Variants in KIAA0232 observed in about 807,000 individuals in gnomAD.
The protein encoded by KIAA0232 is KIAA0232, also known as uncharacterized protein KIAA0232.
A neutral mutation model predicts 122.0 loss-of-function variants in KIAA0232; 27 were observed. That is an observed-to-expected ratio of 0.22 (90% confidence interval 0.16 to 0.31). KIAA0232 has a LOEUF of 0.31. Among genes scored for constraint, KIAA0232 ranks in the 10% least tolerant of loss-of-function variants. KIAA0232 has a pLI of 1.00. For missense variants in KIAA0232, 1,551 were observed against 1,634.2 expected, an observed-to-expected ratio of 0.95 and a Z score of 0.88; for synonymous variants, 613 against 587.6, an observed-to-expected ratio of 1.04 and a Z score of -0.63.
chr4:6,786,818 G>A (rs1716640966), intron 1 of KIAA0232, among the ~76,000 whole-genome samples: 1 of 152,186 alleles, frequency 6.6e-6, no homozygotes, highest in African/African-American at 2.4e-5. Context: ...TAGATGAAGT[G>A]CCTGCATTGC....
At chr4:6,799,699 G>T (rs1182994018) in intron 1 of KIAA0232, among the ~76,000 whole-genome samples, 4 of 151,842 alleles carry the variant, frequency 2.6e-5, no homozygotes, top group Non-Finnish European at 5.9e-5. Flanking sequence ...TTTGTTTTTT[G>T]TTTGTTTGTT....
intron 9 of KIAA0232, among the ~76,000 whole-genome samples, chr4:6,878,415 A>AC (rs58861015): frequency 3.0e-4 from 45 of 149,890 alleles, no homozygotes; most frequent in South Asian, 4.2e-4. Flanking sequence ...ATACATACAT[A>AC]AATATATACA....
At position 6,860,652 on chromosome 4, in the gene KIAA0232, T is replaced by C. The variant is rs1484007188; in HGVS notation, c.519-249T>C. On this transcript the variant is annotated intron_variant, in intron 6 of 9. Coordinates refer to ENST00000307659, the MANE Select transcript of KIAA0232 (RefSeq NM_014743.3). ...CAAACTTTGAAGATAAAAACTGTCA[T>C]CTTACATATTTTCTCAGTAATCTTA... Among the ~76,000 whole-genome samples the C allele has an allele frequency of 2.0e-5, 3 of 152,212 alleles. No homozygotes were observed. In the East Asian group the frequency reaches 5.8e-4, roughly 29 times the overall value.
chr4:6,796,272 TG>T (rs1717132529), intron 1 of KIAA0232, among the ~76,000 whole-genome samples: 1 of 151,984 alleles, frequency 6.6e-6, no homozygotes, highest in Admixed American at 6.6e-5. Flanking sequence ...GACAGAGTCT[TG>T]TTCTGTCACC....
intron 3 of KIAA0232, among the ~76,000 whole-genome samples, chr4:6,825,114 T>C (rs1174536008): frequency 6.6e-6 from 1 of 152,254 alleles, no homozygotes; most frequent in Non-Finnish European, 1.5e-5. Flanking sequence ...GCAAGAATGA[T>C]GTTTATCTGC....
intron 9 of KIAA0232, among the ~76,000 whole-genome samples, chr4:6,877,484 A>C (rs901282577): frequency 6.6e-6 from 1 of 152,152 alleles, no homozygotes; most frequent in Non-Finnish European, 1.5e-5. Context: ...ATAGGTATAT[A>C]TATACACAAA....
At chr4:6,794,901 A>G (rs1252453463) in intron 1 of KIAA0232, among the ~76,000 whole-genome samples, 1 of 152,174 alleles carries the variant, frequency 6.6e-6, no homozygotes, top group African/African-American at 2.4e-5. Context: ...CCAGTCAGAT[A>G]TCTCCTTGTC....
At position 6,861,459 on chromosome 4, in the gene KIAA0232, C is replaced by CA; in HGVS notation, c.1080dup (p.Gln361ThrfsTer7). The CA allele has an allele frequency of 6.2e-7, 1 of 1,614,128 alleles. No individual in the cohort carries two copies. The highest frequency in any genetic ancestry group is 8.5e-7 in the Non-Finnish European group (1 of 1,180,024). ...GTAGCAGTAGCAGCAGTGGTTCTGT[C>CA]AAACAGCTGTGCAAGCGGGGTAAGA... On this transcript the variant is annotated frameshift_variant, in exon 7 of 10. Coordinates refer to ENST00000307659, the MANE Select transcript of KIAA0232 (RefSeq NM_014743.3). LOFTEE classifies it high-confidence loss of function.
intron 1 of KIAA0232, among the ~76,000 whole-genome samples, chr4:6,803,202 T>TGC (rs1054786261): frequency 5.8e-5 from 6 of 103,324 alleles, no homozygotes; most frequent in Middle Eastern, 9.7e-3. Flanking sequence ...TTAAAATGAG[T>TGC]GCATATATAT....
At chr4:6,792,867 T>C (rs751185159) in intron 1 of KIAA0232, among the ~76,000 whole-genome samples, 11 of 152,046 alleles carry the variant, frequency 7.2e-5, no homozygotes, top group Non-Finnish European at 1.3e-4. Context: ...TGTTTTTGTA[T>C]TTTTAGTAGA....
intron 3 of KIAA0232, among the ~76,000 whole-genome samples, chr4:6,831,094 C>T (rs1043356570): frequency 1.5e-4 from 23 of 151,884 alleles, no homozygotes; most frequent in African/African-American, 4.1e-4. Context: ...CTCGCCCTGT[C>T]GCCCAGGCTG....
At chr4:6,877,384 C>T (rs1054746987) in intron 9 of KIAA0232, among the ~76,000 whole-genome samples, 1 of 152,230 alleles carries the variant, frequency 6.6e-6, no homozygotes, top group Non-Finnish European at 1.5e-5. Context: ...GGTTAAGAGG[C>T]AGGCAGGCAA....
chr4:6,880,748 A>G, intron 9 of KIAA0232, 39 bp from the exon 10 acceptor site: 1 of 1,426,828 alleles, frequency 7.0e-7, no homozygotes, highest in Non-Finnish European at 9.3e-7. Flanking sequence ...TGGGGAAAAA[A>G]AAGTCTTTTT....
chr4:6,806,487 C>T (rs933815205), intron 2 of KIAA0232, among the ~76,000 whole-genome samples: 2 of 151,980 alleles, frequency 1.3e-5, no homozygotes, highest in East Asian at 1.9e-4. Context: ...GTAATCCCAG[C>T]ACTTTGGGAG....
intron 4 of KIAA0232, among the ~76,000 whole-genome samples, chr4:6,851,341 T>C (rs995053118): frequency 6.6e-6 from 1 of 152,188 alleles, no homozygotes; most frequent in African/African-American, 2.4e-5. Flanking sequence ...GTTTACTTGT[T>C]AGATATCTAA....
intron 7 of KIAA0232, among the ~76,000 whole-genome samples, chr4:6,870,499 G>A (rs745455411): frequency 1.3e-5 from 2 of 152,196 alleles, no homozygotes; most frequent in East Asian, 3.8e-4. Context: ...GTCAATAACT[G>A]TGCCTATAAG....
intron 1 of KIAA0232, among the ~76,000 whole-genome samples, chr4:6,787,554 C>G (rs1716683087): frequency 6.6e-6 from 1 of 152,234 alleles, no homozygotes; most frequent in Non-Finnish European, 1.5e-5. Context: ...GTTACCCAGC[C>G]TGGAAACCTT....
chr4:6,837,802 C>T (rs1318730595), intron 3 of KIAA0232, among the ~76,000 whole-genome samples: 1 of 152,090 alleles, frequency 6.6e-6, no homozygotes, highest in Non-Finnish European at 1.5e-5. Context: ...CAATCCCAGG[C>T]ACCGGGCAGG....
chr4:6,802,022 G>A (rs1222561155), intron 1 of KIAA0232, among the ~76,000 whole-genome samples: 1 of 152,212 alleles, frequency 6.6e-6, no homozygotes, highest in African/African-American at 2.4e-5. Flanking sequence ...TGATAGGGCT[G>A]TTAGTTCCTT....
Sources: gnomAD v4.1 joint callset for allele counts (sites outside exome capture counted in the v4.1 genomes callset) on GRCh38, gnomAD v4.1.1 for gene constraint, MANE v1.5 for transcripts, NCBI Gene and HGNC (gene_info 2026-07-23, HGNC 2026-07-21) for gene names.